HSD17B4: variants seen among roughly 807,000 people sequenced by gnomAD.
HSD17B4 encodes the protein hydroxysteroid 17-beta dehydrogenase 4.
Under a neutral mutation model 101.0 loss-of-function variants are expected in HSD17B4, and 70 were observed. The ratio of observed to expected loss-of-function variants is 0.69; its 90% CI spans 0.57 to 0.85. The LOEUF is 0.85. Among genes scored for constraint, HSD17B4 ranks in the 40% least tolerant of loss-of-function variants. The pLI is 0.00. For missense variants in HSD17B4, 984 were observed against 892.4 expected (o/e 1.10, Z -1.31); for synonymous variants, 347 against 297.1 (o/e 1.17, Z -1.73).
At chr5:119,493,177 T>C (rs530870149) in intron 10 of HSD17B4, 1 of 152,522 alleles carries the variant, frequency 6.6e-6, no homozygotes, top group East Asian at 1.9e-4. Flanking sequence ...GTCTGACTAT[T>C]ATGTTTAAAT....
rs1258632843 is a variant in HSD17B4 at position 119,496,787 on chromosome 5, G to A, written c.972+141G>A. ...TTCTTTCAGTCTCTAATAATGGAGAGAAGCAGTGGCAGAGATAATTTAAAA... is the reference window on the plus strand; with the variant it reads ...TTCTTTCAGTCTCTAATAATGGAGAAAAGCAGTGGCAGAGATAATTTAAAA... On this transcript the variant is annotated intron_variant, in intron 12 of 23. Coordinates refer to ENST00000510025, the MANE Select transcript of HSD17B4 (RefSeq NM_000414.4). 39 of 750,128 alleles carry A rather than the reference G, an allele frequency of 5.2e-5. No individual in the cohort carries two copies. The East Asian group carries it at 9.1e-4, about 18-fold the overall frequency. The allele number at this position is 750,128 out of a possible 1,614,324, so 46.5% of individuals were successfully genotyped here. A position where few individuals can be genotyped will look rare whatever the true frequency, so the allele number is the denominator to read the frequency against.
chr5:119,486,877 G>T (rs533093386), intron 8 of HSD17B4, among the ~76,000 whole-genome samples: 217 of 152,090 alleles, frequency 1.4e-3, no homozygotes, highest in Non-Finnish European at 2.0e-3. Flanking sequence ...TTCCATTGTA[G>T]TTCAAATCTG....
intron 7 of HSD17B4, chr5:119,477,776 A>G (rs145125049): frequency 2.1e-4 from 83 of 404,398 alleles, no homozygotes; most frequent in African/African-American, 1.6e-3. Context: ...TTATTTTGAG[A>G]CATAGTTTCA....
intron 2 of HSD17B4, among the ~76,000 whole-genome samples, chr5:119,463,222 A>G (rs1199435066): frequency 6.6e-6 from 1 of 152,156 alleles, no homozygotes; most frequent in Non-Finnish European, 1.5e-5. Context: ...TCCATTATGT[A>G]TTGTGTGCCA....
At chr5:119,461,954 A>G (rs754469960) in intron 2 of HSD17B4, among the ~76,000 whole-genome samples, 14 of 152,216 alleles carry the variant, frequency 9.2e-5, no homozygotes, top group Non-Finnish European at 2.1e-4. Flanking sequence ...AATTTTGGGA[A>G]TGCTTTTTAG....
At chr5:119,495,505 A>G (rs1469001744) in intron 11 of HSD17B4, among the ~76,000 whole-genome samples, 1 of 152,152 alleles carries the variant, frequency 6.6e-6, no homozygotes, top group Non-Finnish European at 1.5e-5. Flanking sequence ...GAAGTAATTC[A>G]TGTTGTCTAT....
chr5:119,470,857 G>A (rs529864493), intron 2 of HSD17B4, among the ~76,000 whole-genome samples: 4 of 152,228 alleles, frequency 2.6e-5, no homozygotes, highest in South Asian at 2.1e-4. Context: ...CTGTGATTTC[G>A]CTCTGGTGAT....
intron 23 of HSD17B4, among the ~76,000 whole-genome samples, 160 bp from the exon 24 acceptor site, chr5:119,541,745 A>G (rs996987005): frequency 1.3e-5 from 2 of 151,892 alleles, no homozygotes; most frequent in African/African-American, 2.4e-5. Flanking sequence ...AAAATGTGCT[A>G]TCTGTAGTTA....
intron 16 of HSD17B4, among the ~76,000 whole-genome samples, chr5:119,511,669 A>G (rs1752181443): frequency 6.6e-6 from 1 of 152,194 alleles, no homozygotes; most frequent in Non-Finnish European, 1.5e-5. Context: ...TACTCAAGGT[A>G]CACTCTCTGA....
intron 17 of HSD17B4, among the ~76,000 whole-genome samples, chr5:119,520,539 G>A (rs910160586): frequency 1.3e-5 from 2 of 152,102 alleles, no homozygotes; most frequent in Non-Finnish European, 2.9e-5. Flanking sequence ...TGCTATATTC[G>A]AGATTTCTGA....
chr5:119,515,045 A>G lies in HSD17B4; in HGVS notation c.1502A>G (p.Gln501Arg). 1 of 1,561,826 alleles carries G rather than the reference A, an allele frequency of 6.4e-7. No individual in the cohort carries two copies. Among genetic ancestry groups the G allele is most frequent in the Non-Finnish European group, 8.8e-7 (1 of 1,132,564 alleles). ...AVLTDTTSLN[Q>R]AALYRLSGDW... The stretch of plus-strand genomic sequence containing the variant: ...CTTACAGATACCACCTCTCTTAATC[A>G]GGTAAGATTGTATTTTTGAAAAATG... The change falls in exon 17 of 24, where the codon CAG (glutamine) becomes CGG (arginine). Residue 501 changes from glutamine (Q) to arginine (R), a missense_variant and splice_region_variant. By Grantham distance (43) the Gln-to-Arg change is conservative. Coordinates refer to ENST00000510025, the MANE Select transcript of HSD17B4 (RefSeq NM_000414.4).
rs752768656 is a variant in HSD17B4 at position 119,531,312 on chromosome 5, G to A, written c.1901G>A (p.Arg634His). 25 of 1,613,198 alleles carry A rather than the reference G, an allele frequency of 1.5e-5. No individual in the cohort carries two copies. Among genetic ancestry groups the A allele is most frequent in the East Asian group, 1.1e-4 (5 of 44,876 alleles). Reference sequence around the variant, plus strand: ...TTTGTATTTGAGGAAATAGGACGCCGCCTAAAGGATATTGGGCCTGAGGTG... The same window carrying A: ...TTTGTATTTGAGGAAATAGGACGCCACCTAAAGGATATTGGGCCTGAGGTG... ...STFVFEEIGR[R>H]LKDIGPEVVK... is the part of the protein sequence containing the mutation. Residue 634 changes from arginine (R) to histidine (H), a missense_variant, in exon 22 of 24, where the codon CGC (arginine) becomes CAC (histidine). Coordinates refer to ENST00000510025, the MANE Select transcript of HSD17B4 (RefSeq NM_000414.4).
rs1406583130 is a variant in HSD17B4, at chr5:119,499,551, A to G, written c.1207A>G (p.Lys403Glu). ...TCCTGGACTTTCAATCAACTTTGCAAAGGTATGCCTAATAAAAAACCTTTA... is the reference window on the plus strand; with the variant it reads ...TCCTGGACTTTCAATCAACTTTGCAGAGGTATGCCTAATAAAAAACCTTTA... The part of the protein sequence containing the change: ...EIPGLSINFA[K>E]VLHGEQYLEL... The change falls in exon 13 of 24, where the codon AAG (lysine) becomes GAG (glutamate). Residue 403 changes from lysine to glutamate, a missense_variant and splice_region_variant. Transcript: ENST00000510025. 1 of 1,576,234 alleles carries G rather than the reference A, an allele frequency of 6.3e-7. No individual in the cohort carries two copies. Among genetic ancestry groups the G allele is most frequent in the Admixed American group, 1.7e-5 (1 of 59,946 alleles).
At chr5:119,467,087 A>G (rs1347138664) in intron 2 of HSD17B4, among the ~76,000 whole-genome samples, 1 of 152,196 alleles carries the variant, frequency 6.6e-6, no homozygotes, top group African/African-American at 2.4e-5. Context: ...TACTGTGTCC[A>G]AAGTTCTTGT....
At chr5:119,517,491 G>A (rs1752733720) in intron 17 of HSD17B4, among the ~76,000 whole-genome samples, 2 of 152,250 alleles carry the variant, frequency 1.3e-5, no homozygotes, top group Admixed American at 1.3e-4. Context: ...AGGAGTGCGA[G>A]CGTACCGCGC....
chr5:119,527,278 A>AT (rs913016942), intron 20 of HSD17B4, 59 bp downstream of exon 20: 1,062 of 914,126 alleles, frequency 1.2e-3, no homozygotes, highest in Admixed American at 2.5e-3. Flanking sequence ...CCATCTTACC[A>AT]TTTTTTTTTG....
In HSD17B4 at chr5:119,536,497, C is replaced by A. The variant is rs754641735; in HGVS notation, c.2068C>A (p.Leu690Ile). 2 of 1,611,904 alleles carry A rather than the reference C, an allele frequency of 1.2e-6. No homozygotes were observed. Among genetic ancestry groups the A allele is most frequent in the South Asian group, 2.2e-5 (2 of 91,050 alleles). Residue 690 changes from leucine to isoleucine, a missense_variant, in exon 23 of 24, where the codon CTT (leucine) becomes ATT (isoleucine). Coordinates refer to ENST00000510025, the MANE Select transcript of HSD17B4 (RefSeq NM_000414.4). The part of the protein sequence containing the change: ...AKGAADTTII[L>I]SDEDFMEVVL... ...AGGTGCTGCTGATACAACAATCATA[C>A]TTTCAGATGAAGATTTCATGGAGGT...
intron 19 of HSD17B4, among the ~76,000 whole-genome samples, chr5:119,526,316 A>G (rs1753597273): frequency 7.1e-6 from 1 of 141,842 alleles, no homozygotes; most frequent in Non-Finnish European, 1.5e-5. Flanking sequence ...ATGCCTTGAA[A>G]ACTCAAGATT....
intron 17 of HSD17B4, among the ~76,000 whole-genome samples, chr5:119,516,464 A>G (rs72788195): frequency 7.2e-5 from 11 of 151,994 alleles, no homozygotes; most frequent in Non-Finnish European, 1.6e-4. Flanking sequence ...TTTTTTTCAG[A>G]TGACTAAAAC....
Sources: gnomAD v4.1 joint callset for allele counts (sites outside exome capture counted in the v4.1 genomes callset) on GRCh38, gnomAD v4.1.1 for gene constraint, MANE v1.5 for transcripts, NCBI Gene and HGNC (gene_info 2026-07-23, HGNC 2026-07-21) for gene names.